SGIP1: variants seen among roughly 807,000 people sequenced by gnomAD.
The protein encoded by SGIP1 is SH3GL interacting endocytic adaptor 1, also known as SH3-containing GRB2-like protein 3-interacting protein 1.
In SGIP1, 38 loss-of-function variants were observed where a neutral mutation model predicts 107.5. The observed-to-expected ratio is 0.35, with a 90% confidence interval of 0.27 to 0.46. SGIP1 has a LOEUF of 0.46. SGIP1 is among the 20% of genes least tolerant of loss of function. SGIP1 has a pLI of 1.00. For synonymous variants in SGIP1, 365 were observed against 366.1 expected (o/e 1.00, Z 0.03); for missense variants, 929 against 1,019.5 (o/e 0.91, Z 1.21).
intron 20 of SGIP1, among the ~76,000 whole-genome samples, chr1:66,730,188 T>C (rs1023872840): frequency 6.6e-6 from 1 of 152,048 alleles, no homozygotes; most frequent in East Asian, 1.9e-4. Context: ...TAATAGTTAA[T>C]ACAATTTCAT....
chr1:66,591,818 G>T (rs1458209667), intron 1 of SGIP1, among the ~76,000 whole-genome samples: 2 of 152,186 alleles, frequency 1.3e-5, no homozygotes, highest in Admixed American at 1.3e-4. Flanking sequence ...GAGACAGTCA[G>T]CAGGAAAACG....
chr1:66,584,771 C>T (rs539761444), intron 1 of SGIP1, among the ~76,000 whole-genome samples: 10 of 152,090 alleles, frequency 6.6e-5, no homozygotes, highest in Non-Finnish European at 1.5e-4. Flanking sequence ...AACCTTCTTC[C>T]CTGTAGCCAA....
At chr1:66,592,891 CTTCTTCTTTTTTTTTTTTTTT>C (rs2063888625) in intron 1 of SGIP1, among the ~76,000 whole-genome samples, 1 of 105,592 alleles carries the variant, frequency 9.5e-6, no homozygotes, top group Non-Finnish European at 1.9e-5. Context: ...TTTCTTTCTT[CTTCTTCTTTTTTTTTTTTTTT>C]TTTTTTTTTT....
At chr1:66,634,352 C>G (rs1160378237) in intron 3 of SGIP1, among the ~76,000 whole-genome samples, 1 of 152,254 alleles carries the variant, frequency 6.6e-6, no homozygotes, top group East Asian at 1.9e-4. Context: ...TTTCTTTCTC[C>G]AAACCCCTGC....
At chr1:66,742,273 G>A (rs1448304715) in intron 24 of SGIP1, among the ~76,000 whole-genome samples, 1 of 151,884 alleles carries the variant, frequency 6.6e-6, no homozygotes, top group African/African-American at 2.4e-5. Flanking sequence ...ACAAACAATG[G>A]GGTTTTATTT....
chr1:66,568,203 C>T (rs1813888), intron 1 of SGIP1, among the ~76,000 whole-genome samples: 23,309 of 151,802 alleles, frequency 0.15, 1,855 homozygotes, highest in Admixed American at 0.19. Context: ...GTAGTTCTCC[C>T]TGAAGAGGTC....
intron 1 of SGIP1, among the ~76,000 whole-genome samples, chr1:66,545,935 T>A (rs2056285797): frequency 3.3e-5 from 5 of 152,178 alleles, no homozygotes; most frequent in Admixed American, 3.3e-4. Context: ...AGACCATATT[T>A]TACTCACTTT....
At chr1:66,652,915 G>A (rs1178347869) in intron 7 of SGIP1, among the ~76,000 whole-genome samples, 1 of 152,214 alleles carries the variant, frequency 6.6e-6, no homozygotes, top group Non-Finnish European at 1.5e-5. Context: ...AGAAGGCAGA[G>A]GTTCAGCTTG....
At chr1:66,664,108 C>A (rs1325263) in intron 8 of SGIP1, among the ~76,000 whole-genome samples, 103,002 of 151,998 alleles carry the variant, frequency 0.68, 36,238 homozygotes, top group East Asian at 1. Flanking sequence ...CTTTCTACAC[C>A]AAAGAACTTT....
At chr1:66,669,366 T>A (rs1435512303) in intron 9 of SGIP1, among the ~76,000 whole-genome samples, 4 of 152,150 alleles carry the variant, frequency 2.6e-5, no homozygotes, top group Non-Finnish European at 4.4e-5. Flanking sequence ...GACAAAAAGG[T>A]CTTCAATACA....
intron 15 of SGIP1, among the ~76,000 whole-genome samples, chr1:66,687,930 A>G (rs577555273): frequency 1.3e-5 from 2 of 152,352 alleles, no homozygotes; most frequent in East Asian, 3.9e-4. Flanking sequence ...TATTTAAACA[A>G]GAGGAGCAAG....
chr1:66,691,248 TC>T (rs1279991501), intron 17 of SGIP1, among the ~76,000 whole-genome samples: 1 of 152,146 alleles, frequency 6.6e-6, no homozygotes, highest in Non-Finnish European at 1.5e-5. Flanking sequence ...CTAAATAACT[TC>T]CTTCTGCTAC....
chr1:66,711,090 G>A (rs1557713575), intron 18 of SGIP1, among the ~76,000 whole-genome samples: 1 of 152,090 alleles, frequency 6.6e-6, no homozygotes, highest in Non-Finnish European at 1.5e-5. Flanking sequence ...AATTATTAAT[G>A]TAGCTTAAAC....
At chr1:66,540,358 CAG>C (rs1277793123) in intron 1 of SGIP1, among the ~76,000 whole-genome samples, 2 of 152,172 alleles carry the variant, frequency 1.3e-5, no homozygotes, top group Non-Finnish European at 2.9e-5. Flanking sequence ...AAAGAATTCC[CAG>C]AGTCAGTTTT....
At chr1:66,678,207 T>A (rs979396136) in intron 13 of SGIP1, among the ~76,000 whole-genome samples, 6 of 152,248 alleles carry the variant, frequency 3.9e-5, no homozygotes. Context: ...TGTAACTTCC[T>A]TGAAAAGCTT....
chr1:66,713,770 ATTTG>A (rs1264159532), intron 18 of SGIP1, among the ~76,000 whole-genome samples: 7 of 152,272 alleles, frequency 4.6e-5, no homozygotes, highest in African/African-American at 1.7e-4. Context: ...TATTCAAATA[ATTTG>A]TTTATTTGAA....
intron 7 of SGIP1, among the ~76,000 whole-genome samples, chr1:66,656,210 C>T (rs967642941): frequency 6.6e-6 from 1 of 152,184 alleles, no homozygotes; most frequent in Non-Finnish European, 1.5e-5. Flanking sequence ...CACTGTCTTT[C>T]CCCTCCACCT....
chr1:66,725,410 C>T (rs2093708684), intron 19 of SGIP1, among the ~76,000 whole-genome samples: 1 of 152,150 alleles, frequency 6.6e-6, no homozygotes, highest in African/African-American at 2.4e-5. Context: ...CTCCATGCTC[C>T]AATGTGAGCA....
At chr1:66,587,122 A>G (rs2062750412) in intron 1 of SGIP1, among the ~76,000 whole-genome samples, 1 of 152,004 alleles carries the variant, frequency 6.6e-6, no homozygotes, top group Non-Finnish European at 1.5e-5. Flanking sequence ...TTAAGAATTT[A>G]TTATTTGTAT....
Sources: gnomAD v4.1 joint callset for allele counts (sites outside exome capture counted in the v4.1 genomes callset) on GRCh38, gnomAD v4.1.1 for gene constraint, MANE v1.5 for transcripts, NCBI Gene and HGNC (gene_info 2026-07-23, HGNC 2026-07-21) for gene names.